ARHGAP6: variants seen among roughly 807,000 people sequenced by gnomAD.
The protein encoded by ARHGAP6 is Rho GTPase activating protein 6.
Under a neutral mutation model 55.7 loss-of-function variants are expected in ARHGAP6, and 16 were observed. The observed-to-expected ratio is 0.29, with a 90% CI of 0.19 to 0.44. The LOEUF is 0.44. ARHGAP6 is among the 20% of genes least tolerant of loss of function. ARHGAP6 has a pLI of 1.00. For synonymous variants in ARHGAP6, 382 were observed against 360.9 expected, an observed-to-expected ratio of 1.06 and a Z score of -0.66; for missense variants, 698 against 808.9, an observed-to-expected ratio of 0.86 and a Z score of 1.66.
chrX:11,502,490 A>G (rs747686172), intron 1 of ARHGAP6, among the ~76,000 whole-genome samples: 20 of 112,057 alleles, frequency 1.8e-4, no homozygotes, highest in African/African-American at 6.5e-4. Context: ...CACCCATTTC[A>G]TACATTTATA....
At chrX:11,566,083 C>A (rs1322017672) in intron 1 of ARHGAP6, among the ~76,000 whole-genome samples, 3 of 111,959 alleles carry the variant, frequency 2.7e-5, no homozygotes, top group Non-Finnish European at 5.6e-5. Context: ...AGTGCAAGTA[C>A]GATAGAGATT....
At position 11,439,441 on chromosome X, in the gene ARHGAP6, A is replaced by G. The variant is rs1021654579; in HGVS notation, c.589-184734T>C. Among the ~76,000 whole-genome samples the G allele has an allele frequency of 7.1e-5, 8 of 112,459 alleles. 1 individual carries two copies. The highest frequency in any genetic ancestry group is 9.4e-5 in the Admixed American group (1 of 10,633). On this transcript the variant is annotated intron_variant, in intron 1 of 12. Transcript: ENST00000337414. ...AGAGGTGAGCAGTTGCCAGAGACCAACTGCATGTTCACTAAACCTAAAATA... is the reference window on the plus strand; with the variant it reads ...AGAGGTGAGCAGTTGCCAGAGACCAGCTGCATGTTCACTAAACCTAAAATA...
intron 1 of ARHGAP6, among the ~76,000 whole-genome samples, chrX:11,552,593 T>C (rs1293261626): frequency 1.3e-3 from 88 of 66,290 alleles, no homozygotes; most frequent in African/African-American, 4.0e-3. Flanking sequence ...TATATATATA[T>C]ATATATAGAC....
intron 1 of ARHGAP6, among the ~76,000 whole-genome samples, chrX:11,563,322 C>A (rs1297812036): frequency 9.8e-6 from 1 of 101,925 alleles, no homozygotes; most frequent in African/African-American, 3.7e-5. Context: ...TTAAAAAAAT[C>A]ATAAGATAAT....
chrX:11,386,026 G>A lies in ARHGAP6; in HGVS notation c.589-131319C>T, dbSNP rs150459437. 2.6e-3 allele frequency among the ~76,000 whole-genome samples: 291 copies of A among 112,413 alleles called. 2 individuals carry two copies. Among genetic ancestry groups the A allele is most frequent in the Admixed American group, 6.7e-3 (71 of 10,629 alleles). ...GTTTCTGGAACAGCTGTGGAAGTGT[G>A]ATCTCAGAGAACACAAGAAGACAGC... On this transcript the variant is annotated intron_variant, in intron 1 of 12. Transcript: ENST00000337414.
At chrX:11,236,094 G>A (rs2047196591) in intron 2 of ARHGAP6, among the ~76,000 whole-genome samples, 1 of 111,904 alleles carries the variant, frequency 8.9e-6, no homozygotes, top group Non-Finnish European at 1.9e-5. Flanking sequence ...TTCTCACCCT[G>A]CTATAAGGAC....
intron 2 of ARHGAP6, among the ~76,000 whole-genome samples, chrX:11,211,211 C>G (rs1219169472): frequency 9.2e-6 from 1 of 108,575 alleles, no homozygotes; most frequent in Non-Finnish European, 1.9e-5. Context: ...AGATAAATTA[C>G]GAGAACTGCT....
intron 1 of ARHGAP6, among the ~76,000 whole-genome samples, chrX:11,279,652 C>T (rs1422821336): frequency 9.7e-6 from 1 of 103,141 alleles, no homozygotes; most frequent in Non-Finnish European, 2.0e-5. Context: ...CCCCTTCTTC[C>T]ACCCCTCCAT....
chrX:11,418,479 T>C (rs1358790381), intron 1 of ARHGAP6, among the ~76,000 whole-genome samples: 1 of 111,884 alleles, frequency 8.9e-6, no homozygotes, highest in Non-Finnish European at 1.9e-5. Context: ...TCTTCCTTTT[T>C]CTTTGTTTGG....
In ARHGAP6 at chrX:11,562,114, G is replaced by A. The variant is rs73499099; in HGVS notation, c.588+102127C>T. On this transcript the variant is annotated intron_variant, in intron 1 of 12. Coordinates refer to ENST00000337414, the MANE Select transcript of ARHGAP6 (RefSeq NM_013427.3). ...ATAGGAAGGGCAAGAAAGCAAAAGCGACAGGGGTAATACATTATGAAGGGA... is the reference window on the plus strand; with the variant it reads ...ATAGGAAGGGCAAGAAAGCAAAAGCAACAGGGGTAATACATTATGAAGGGA... Among the ~76,000 whole-genome samples the A allele has an allele frequency of 6.4e-3, 716 of 112,111 alleles. 7 individuals carry two copies. Among genetic ancestry groups the A allele is most frequent in the African/African-American group, 0.022 (682 of 30,819 alleles).
intron 1 of ARHGAP6, among the ~76,000 whole-genome samples, chrX:11,436,635 C>A (rs1024827692): frequency 1.4e-4 from 16 of 111,736 alleles, no homozygotes; most frequent in Admixed American, 3.8e-4. Flanking sequence ...ACAAACAAAC[C>A]AAATTTCCAT....
intron 1 of ARHGAP6, among the ~76,000 whole-genome samples, chrX:11,282,704 T>C: frequency 8.9e-6 from 1 of 112,047 alleles, no homozygotes; most frequent in South Asian, 3.7e-4. Context: ...CCCCAGGGGA[T>C]TCAAAAACAT....
At chrX:11,564,781 T>C (rs2051424992) in intron 1 of ARHGAP6, among the ~76,000 whole-genome samples, 1 of 111,761 alleles carries the variant, frequency 8.9e-6, no homozygotes, top group Admixed American at 9.6e-5. Context: ...GCAAATGTTA[T>C]GAATCACATG....
intron 1 of ARHGAP6, among the ~76,000 whole-genome samples, chrX:11,576,090 A>G (rs1411214521): frequency 8.9e-6 from 1 of 111,967 alleles, no homozygotes; most frequent in Non-Finnish European, 1.9e-5. Context: ...TAAACTTTCC[A>G]TGCTTTTTAT....
intron 1 of ARHGAP6, among the ~76,000 whole-genome samples, chrX:11,319,162 A>ATG (rs1413995259): frequency 9.0e-6 from 1 of 111,559 alleles, no homozygotes; most frequent in African/African-American, 3.3e-5. Context: ...ATCTATGTCT[A>ATG]TCTATATATC....
At chrX:11,139,840 A>G (rs2045594813) in intron 12 of ARHGAP6, among the ~76,000 whole-genome samples, 5 of 112,410 alleles carry the variant, frequency 4.4e-5, no homozygotes, top group African/African-American at 1.3e-4. Context: ...GCCCCTCTAC[A>G]TGGCTGGGAA....
At position 11,589,728 on chromosome X, in the gene ARHGAP6, A is replaced by T. The variant is rs1183872695; in HGVS notation, c.588+74513T>A. Among the ~76,000 whole-genome samples the T allele has an allele frequency of 2.7e-5, 3 of 111,570 alleles. No homozygotes were observed. The Admixed American group carries it at 2.9e-4, about 11-fold the overall frequency. On this transcript the variant is annotated intron_variant, in intron 1 of 12. Transcript: ENST00000337414. ...AAAGGCTGATACAGGAGAGTGACAA[A>T]ATCCAGACCAGCCCACTCATGTGGT...
At chrX:11,362,398 C>T (rs868722762) in intron 1 of ARHGAP6, among the ~76,000 whole-genome samples, 7 of 109,603 alleles carry the variant, frequency 6.4e-5, no homozygotes, top group African/African-American at 2.3e-4. Flanking sequence ...AGTAAACTAT[C>T]GCAAGAACAA....
At chrX:11,159,927 G>A (rs1443279330) in intron 9 of ARHGAP6, among the ~76,000 whole-genome samples, 2 of 110,769 alleles carry the variant, frequency 1.8e-5, no homozygotes, top group Non-Finnish European at 3.8e-5. Context: ...TCACCCAACA[G>A]CCATGTGCTA....
Sources: gnomAD v4.1 joint callset for allele counts (sites outside exome capture counted in the v4.1 genomes callset) on GRCh38, gnomAD v4.1.1 for gene constraint, MANE v1.5 for transcripts, NCBI Gene and HGNC (gene_info 2026-07-23, HGNC 2026-07-21) for gene names.